The following KCNMA1 variants were observed in gnomAD, a reference collection of about 807,000 sequenced individuals.
The protein encoded by KCNMA1 is Calcium-activated potassium channel subunit alpha-1.
Under a neutral mutation model 140.0 loss-of-function variants are expected in KCNMA1, and 29 were observed. The ratio of observed to expected loss-of-function variants is 0.21; its 90% CI spans 0.15 to 0.28. The LOEUF (loss-of-function observed/expected upper bound fraction) is 0.28. Among genes scored for constraint, KCNMA1 ranks in the 10% least tolerant of loss-of-function variants. The probability of loss-of-function intolerance (pLI) is 1.00; values close to 1 mark genes in which losing one functional copy is unlikely to be tolerated. For missense variants in KCNMA1, 880 were observed against 1,602.2 expected, an observed-to-expected ratio of 0.55 and a Z score of 7.70; for synonymous variants, 612 against 611.9, an observed-to-expected ratio of 1.00 and a Z score of 0.00.
chr10:77,102,207 G>C (rs1595975036), intron 9 of KCNMA1, among the ~76,000 whole-genome samples: 2 of 152,174 alleles, frequency 1.3e-5, no homozygotes, highest in East Asian at 3.8e-4. Context: ...TGGGGCCATA[G>C]ATTAAATGAG....
At chr10:77,617,853 G>C (rs2090108299) in intron 1 of KCNMA1, among the ~76,000 whole-genome samples, 2 of 152,204 alleles carry the variant, frequency 1.3e-5, no homozygotes, top group African/African-American at 4.8e-5. Context: ...GGTTCTGGCA[G>C]AGCCAGCTAT....
intron 1 of KCNMA1, among the ~76,000 whole-genome samples, chr10:77,603,872 T>TG (rs2083491358): frequency 6.6e-6 from 1 of 152,212 alleles, no homozygotes; most frequent in Admixed American, 6.5e-5. Context: ...CTCTGCCACT[T>TG]GCTACATGTG....
chr10:76,988,226 G>C (rs980652464), intron 19 of KCNMA1, among the ~76,000 whole-genome samples: 6 of 152,162 alleles, frequency 3.9e-5, no homozygotes, highest in Non-Finnish European at 7.3e-5. Context: ...TAGTGGTAAG[G>C]CATGGGTGAA....
chr10:76,954,648 A>C (rs1289367861), intron 20 of KCNMA1, among the ~76,000 whole-genome samples: 1 of 152,166 alleles, frequency 6.6e-6, no homozygotes, highest in East Asian at 1.9e-4. Flanking sequence ...CTGTATATGC[A>C]CTAACCATCC....
At chr10:77,588,854 A>T (rs1476348284) in intron 1 of KCNMA1, among the ~76,000 whole-genome samples, 1 of 152,230 alleles carries the variant, frequency 6.6e-6, no homozygotes, top group Admixed American at 6.5e-5. Context: ...TTGAGTGCCT[A>T]CTACCAGCAA....
At chr10:77,582,887 G>T (rs2076254821) in intron 1 of KCNMA1, among the ~76,000 whole-genome samples, 1 of 152,256 alleles carries the variant, frequency 6.6e-6, no homozygotes, top group Non-Finnish European at 1.5e-5. Flanking sequence ...CAAGCCACCA[G>T]CCAGGGAGGG....
rs200153408 is a variant in KCNMA1, at chr10:76,877,873, C to G, written c.3445G>C (p.Asp1149His). ...CTGGGATAGGCATTATCCGGTTCAT[C>G]TGTAAACCATTTCTTTTCTGCTAAA... The change falls in exon 30 of 30, where the codon GAT becomes CAT. Residue 1149 changes from aspartate to histidine, a missense_variant. Physicochemically the swap from Asp to His is moderately conservative, Grantham distance 81. Transcript: ENST00000372403. The G allele has an allele frequency of 2.5e-5, 41 of 1,610,524 alleles. 1 individual carries two copies. In the African/African-American group the frequency reaches 5.1e-4, roughly 20 times the overall value.
At chr10:77,558,513 G>A (rs1346270051) in intron 1 of KCNMA1, among the ~76,000 whole-genome samples, 3 of 152,156 alleles carry the variant, frequency 2.0e-5, no homozygotes, top group African/African-American at 7.2e-5. Flanking sequence ...GGGTGTTCCA[G>A]GGAAAAAGAC....
chr10:77,161,637 A>G (rs539069890), intron 5 of KCNMA1, among the ~76,000 whole-genome samples: 38 of 152,340 alleles, frequency 2.5e-4, no homozygotes, highest in Non-Finnish European at 3.5e-4. Flanking sequence ...TTACTATCCT[A>G]TTAAGCTGAA....
At chr10:77,310,458 A>G (rs1386194733) in intron 2 of KCNMA1, among the ~76,000 whole-genome samples, 3 of 152,212 alleles carry the variant, frequency 2.0e-5, no homozygotes, top group African/African-American at 4.8e-5. Flanking sequence ...GCACATTAAC[A>G]TATGTTACTT....
At chr10:77,070,273 T>A (rs1383748100) in intron 14 of KCNMA1, among the ~76,000 whole-genome samples, 1 of 152,102 alleles carries the variant, frequency 6.6e-6, no homozygotes, top group African/African-American at 2.4e-5. Context: ...ACCCAGGAGT[T>A]TGAGACCAAC....
Position 77,605,248 on chromosome 10 carries a change from A to G in KCNMA1, c.378+32017T>C, listed in dbSNP as rs145859682. Among the ~76,000 whole-genome samples, 706 of 152,296 alleles carry G rather than the reference A, an allele frequency of 4.6e-3. 1 individual carries two copies. The highest frequency in any genetic ancestry group is 7.0e-3 in the Non-Finnish European group (474 of 67,994). Reference sequence around the variant, plus strand: ...TGCTAGTTGCCAGGGACTGTCCCGGATGCCCTCCTTGAAGAGGGTTAAGGA... The same window carrying G: ...TGCTAGTTGCCAGGGACTGTCCCGGGTGCCCTCCTTGAAGAGGGTTAAGGA... On this transcript the variant is annotated intron_variant, in intron 1 of 27. Coordinates refer to ENST00000286628, the MANE Select transcript of KCNMA1 (RefSeq NM_001161352.2).
intron 3 of KCNMA1, among the ~76,000 whole-genome samples, chr10:77,200,958 A>G (rs1426548000): frequency 6.6e-6 from 1 of 152,134 alleles, no homozygotes; most frequent in Non-Finnish European, 1.5e-5. Flanking sequence ...TTAAGTGTCC[A>G]TCCAACCCTG....
At chr10:76,961,644 T>C (rs764482988) in intron 20 of KCNMA1, among the ~76,000 whole-genome samples, 1 of 152,200 alleles carries the variant, frequency 6.6e-6, no homozygotes, top group Non-Finnish European at 1.5e-5. Context: ...GCAATCTTCA[T>C]TGTTGTCTTA....
rs180994628 is a variant in KCNMA1, at chr10:77,347,092, C to A, written c.540+56770G>T. Among the ~76,000 whole-genome samples the A allele has an allele frequency of 2.4e-3, 371 of 152,248 alleles. 2 individuals are homozygous for A. Among genetic ancestry groups the A allele is most frequent in the African/African-American group, 8.7e-3 (361 of 41,532 alleles). On this transcript the variant is annotated intron_variant, in intron 2 of 27. Transcript: ENST00000286628. ...CCTTAATCCCACAGAGCCTCAGTTT[C>A]CCCATCTGTAAAATGAAGAGTACCA...
chr10:77,523,203 G>GACC (rs1555416220), intron 1 of KCNMA1, among the ~76,000 whole-genome samples: 1 of 142,558 alleles, frequency 7.0e-6, no homozygotes, highest in Non-Finnish European at 1.5e-5. Context: ...CCTTGGACGT[G>GACC]CCCCCCCCCC....
At position 76,968,397 on chromosome 10, in the gene KCNMA1, T is replaced by A. The variant is rs962480346; in HGVS notation, c.2360+1577A>T. ...TATAACTCCTCAGAATTATTATTAC[T>A]CAAGATCAAAGAAATGAGCCATACT... On this transcript the variant is annotated intron_variant, in intron 20 of 27. Transcript: ENST00000286628. Among the ~76,000 whole-genome samples the A allele has an allele frequency of 3.3e-5, 5 of 152,162 alleles. No individual in the cohort carries two copies. The South Asian group carries it at 6.2e-4, about 19-fold the overall frequency.
At chr10:77,329,188 C>G (rs866888992) in intron 2 of KCNMA1, among the ~76,000 whole-genome samples, 18 of 152,178 alleles carry the variant, frequency 1.2e-4, no homozygotes, top group Non-Finnish European at 2.2e-4. Flanking sequence ...CTCTTATACC[C>G]TGACTCTAAA....
At chr10:77,322,011 C>T (rs1011932401) in intron 2 of KCNMA1, among the ~76,000 whole-genome samples, 2 of 152,190 alleles carry the variant, frequency 1.3e-5, no homozygotes, top group African/African-American at 4.8e-5. Flanking sequence ...ATTTACTTCT[C>T]ACTCAGGAAA....
Sources: gnomAD v4.1 joint callset for allele counts (sites outside exome capture counted in the v4.1 genomes callset) on GRCh38, gnomAD v4.1.1 for gene constraint, MANE v1.5 for transcripts, NCBI Gene and HGNC (gene_info 2026-07-23, HGNC 2026-07-21) for gene names.